Variants in CA10 observed in about 807,000 individuals in gnomAD.
The protein encoded by CA10 is carbonic anhydrase-related protein 10.
Under a neutral mutation model 44.2 loss-of-function variants are expected in CA10, and 14 were observed. The ratio of observed to expected loss-of-function variants is 0.32; its 90% CI spans 0.21 to 0.50. The LOEUF is 0.50. Ranked by LOEUF, CA10 falls within the 20% of genes least tolerant of loss-of-function variation. CA10 has a pLI of 0.99. For missense variants in CA10, 350 were observed against 409.7 expected, an observed-to-expected ratio of 0.85 and a Z score of 1.26; for synonymous variants, 159 against 141.6, an observed-to-expected ratio of 1.12 and a Z score of -0.87.
intron 4 of CA10, among the ~76,000 whole-genome samples, chr17:51,685,887 C>T (rs1438516090): frequency 6.6e-6 from 1 of 152,226 alleles, no homozygotes; most frequent in African/African-American, 2.4e-5. Context: ...AATGGCCTGA[C>T]ACCCATTCTG....
chr17:51,764,389 G>A (rs1905295963), intron 3 of CA10, among the ~76,000 whole-genome samples: 1 of 152,174 alleles, frequency 6.6e-6, no homozygotes, highest in South Asian at 2.1e-4. Flanking sequence ...CATAAACATA[G>A]CTTTGTAATT....
intron 4 of CA10, among the ~76,000 whole-genome samples, chr17:51,697,627 C>A (rs1915446353): frequency 6.6e-6 from 1 of 152,182 alleles, no homozygotes; most frequent in Non-Finnish European, 1.5e-5. Context: ...TATCTATCTC[C>A]AACTGCTAGA....
At chr17:52,069,835 T>C (rs1987633933) in intron 2 of CA10, among the ~76,000 whole-genome samples, 1 of 152,194 alleles carries the variant, frequency 6.6e-6, no homozygotes, top group African/African-American at 2.4e-5. Flanking sequence ...CTGACTATTA[T>C]TTCTAGACAC....
At chr17:51,964,191 G>T (rs203025) in intron 2 of CA10, among the ~76,000 whole-genome samples, 126,249 of 151,880 alleles carry the variant, frequency 0.83, 52,981 homozygotes, top group East Asian at 0.95. Flanking sequence ...AATGAAAAAA[G>T]GTTCAATTCA....
intron 3 of CA10, among the ~76,000 whole-genome samples, chr17:51,922,813 C>G (rs1288822134): frequency 1.3e-5 from 2 of 152,062 alleles, no homozygotes; most frequent in African/African-American, 4.8e-5. Flanking sequence ...CAATGCCTAG[C>G]TTTTTTTCTT....
At chr17:51,734,413 C>A (rs983875913) in intron 4 of CA10, among the ~76,000 whole-genome samples, 1 of 152,078 alleles carries the variant, frequency 6.6e-6, no homozygotes, top group Admixed American at 6.5e-5. Context: ...GTCACCTAGT[C>A]GTAGGGTGAG....
At chr17:51,980,915 C>T (rs963098094) in intron 2 of CA10, among the ~76,000 whole-genome samples, 2 of 152,012 alleles carry the variant, frequency 1.3e-5, no homozygotes, top group African/African-American at 4.8e-5. Context: ...ACAACATGCA[C>T]GTGAAAAACT....
At chr17:51,668,838 C>T (rs941129823) in intron 4 of CA10, among the ~76,000 whole-genome samples, 5 of 152,148 alleles carry the variant, frequency 3.3e-5, no homozygotes, top group Admixed American at 2.0e-4. Context: ...TCTGGGTGGG[C>T]GTGGGCTCAG....
chr17:51,951,095 AC>A (rs1312929533), intron 2 of CA10, among the ~76,000 whole-genome samples: 3 of 152,182 alleles, frequency 2.0e-5, no homozygotes, highest in African/African-American at 7.2e-5. Flanking sequence ...CTTAATTCCT[AC>A]ATAATACATA....
In CA10 at chr17:51,876,740, C is replaced by T. The variant is rs537025702; in HGVS notation, c.279+54250G>A. ...CTTACTGAAGACTTCAGTAAAAACTCATAAGCAAGATCCTGGTCCATATGG... is the reference window on the plus strand; with the variant it reads ...CTTACTGAAGACTTCAGTAAAAACTTATAAGCAAGATCCTGGTCCATATGG... On this transcript the variant is annotated intron_variant, in intron 3 of 8. Transcript: ENST00000451037. Among the ~76,000 whole-genome samples, 39 of 151,690 alleles carry T rather than the reference C, an allele frequency of 2.6e-4. 1 individual carries two copies. In the South Asian group the frequency reaches 8.0e-3, roughly 31 times the overall value.
At chr17:51,646,098 C>A (rs1436984685) in intron 6 of CA10, among the ~76,000 whole-genome samples, 1 of 152,190 alleles carries the variant, frequency 6.6e-6, no homozygotes, top group African/African-American at 2.4e-5. Context: ...AAGGAGGGAG[C>A]AATAAGAAAT....
chr17:52,014,368 A>G (rs539889540), intron 2 of CA10, among the ~76,000 whole-genome samples: 33 of 152,152 alleles, frequency 2.2e-4, no homozygotes, highest in African/African-American at 7.7e-4. Context: ...GTGGCATTAA[A>G]ATTAATATGG....
At chr17:51,861,432 T>C (rs531592533) in intron 3 of CA10, among the ~76,000 whole-genome samples, 1 of 152,148 alleles carries the variant, frequency 6.6e-6, no homozygotes, top group Admixed American at 6.6e-5. Flanking sequence ...AAGTATAGGA[T>C]TAGAAAGGCA....
At chr17:51,839,344 T>C (rs1280800420) in intron 3 of CA10, among the ~76,000 whole-genome samples, 1 of 151,560 alleles carries the variant, frequency 6.6e-6, no homozygotes, top group African/African-American at 2.4e-5. Context: ...TACAAAAAAA[T>C]TAGCCGGGCG....
intron 3 of CA10, among the ~76,000 whole-genome samples, chr17:51,922,741 C>T (rs1982282510): frequency 6.6e-6 from 1 of 152,166 alleles, no homozygotes; most frequent in Admixed American, 6.6e-5. Context: ...AATGAGATCA[C>T]ATCAATTTTA....
intron 2 of CA10, among the ~76,000 whole-genome samples, chr17:51,947,698 C>CT (rs1230007732): frequency 6.6e-6 from 1 of 152,090 alleles, no homozygotes; most frequent in Non-Finnish European, 1.5e-5. Context: ...TTTCAAGCCC[C>CT]TCTTGTAGCA....
chr17:52,116,122 G>A (rs1040907563), intron 1 of CA10, among the ~76,000 whole-genome samples: 2 of 151,816 alleles, frequency 1.3e-5, no homozygotes, highest in Non-Finnish European at 2.9e-5. Flanking sequence ...CTCCCTGTTG[G>A]AGAAACCCAT....
intron 4 of CA10, among the ~76,000 whole-genome samples, chr17:51,682,138 T>G (rs563585302): frequency 6.6e-6 from 1 of 152,338 alleles, no homozygotes; most frequent in Non-Finnish European, 1.5e-5. Flanking sequence ...GGGACCACCT[T>G]TTTTTGCAGA....
rs1199674143 is a variant in CA10 at position 51,968,455 on chromosome 17, GCAAAAACAAAA to G, written c.137-37334_137-37324del. Among the ~76,000 whole-genome samples the G allele has an allele frequency of 8.6e-5, 13 of 151,880 alleles. 1 individual carries two copies. The South Asian group carries it at 1.7e-3, about 19-fold the overall frequency. On this transcript the variant is annotated intron_variant, in intron 2 of 8. Transcript: ENST00000451037. ...ATGAATCTCAAATACATTGCACTGA[GCAAAAACAAAA>G]CAAAAACAAAACAGATTCAAAGGTT...
Sources: allele counts gnomAD v4.1 joint callset (sites outside exome capture counted in the v4.1 genomes callset), GRCh38; gene constraint gnomAD v4.1.1; transcripts MANE v1.5; gene names NCBI Gene and HGNC (gene_info 2026-07-23, HGNC 2026-07-21).